LRCH3: variants seen among roughly 807,000 people sequenced by gnomAD.
The protein encoded by LRCH3 is leucine rich repeats and calponin homology domain containing 3.
A neutral mutation model predicts 104.5 loss-of-function variants in LRCH3; 68 were observed. The observed-to-expected ratio is 0.65, with a 90% CI of 0.54 to 0.80. LRCH3 has a LOEUF of 0.80. Among genes scored for constraint, LRCH3 ranks in the 30% least tolerant of loss-of-function variants. The probability of loss-of-function intolerance (pLI) is 0.00; values close to 1 mark genes in which losing one functional copy is unlikely to be tolerated. For synonymous variants in LRCH3, 344 were observed against 361.3 expected (o/e 0.95, Z 0.54); for missense variants, 951 against 953.9 (o/e 1.00, Z 0.04).
chr3:197,859,007 C>A (rs1011072552), intron 15 of LRCH3, 102 bp downstream of exon 15: 7 of 853,080 alleles, frequency 8.2e-6, no homozygotes, highest in African/African-American at 1.7e-5. Context: ...AATATAGGAT[C>A]GCATAAATAT....
At chr3:197,844,354 T>G (rs1183198095) in intron 10 of LRCH3, among the ~76,000 whole-genome samples, 1 of 152,128 alleles carries the variant, frequency 6.6e-6, no homozygotes, top group African/African-American at 2.4e-5. Flanking sequence ...GTCATGGGGA[T>G]AGGAGAAAGA....
At chr3:197,838,880 A>G (rs962972280) in intron 9 of LRCH3, among the ~76,000 whole-genome samples, 2 of 152,266 alleles carry the variant, frequency 1.3e-5, no homozygotes, top group Non-Finnish European at 2.9e-5. Context: ...ATGGATAAAT[A>G]AAGAAATGTA....
At chr3:197,868,937 G>C (rs1711680154) in intron 17 of LRCH3, among the ~76,000 whole-genome samples, 1 of 152,118 alleles carries the variant, frequency 6.6e-6, no homozygotes, top group African/African-American at 2.4e-5. Flanking sequence ...TGAGCACTGT[G>C]CTTACGATTT....
At chr3:197,791,870 T>TG (rs1273713764) in intron 1 of LRCH3, among the ~76,000 whole-genome samples, 2 of 152,166 alleles carry the variant, frequency 1.3e-5, no homozygotes, top group East Asian at 3.9e-4. Flanking sequence ...CTTTCGGATT[T>TG]GGGGTGCCGA....
At chr3:197,838,179 G>A (rs1737165714) in intron 9 of LRCH3, among the ~76,000 whole-genome samples, 1 of 152,224 alleles carries the variant, frequency 6.6e-6, no homozygotes, top group South Asian at 2.1e-4. Context: ...CAGCCACTCG[G>A]GAGGCTGAAG....
intron 19 of LRCH3, among the ~76,000 whole-genome samples, 175 bp from the exon 20 acceptor site, chr3:197,875,523 A>G (rs1196854128): frequency 1.3e-5 from 2 of 152,048 alleles, no homozygotes; most frequent in Admixed American, 6.6e-5. Flanking sequence ...GTGTGATGGC[A>G]TGCAACTATA....
intron 1 of LRCH3, among the ~76,000 whole-genome samples, chr3:197,811,192 T>C (rs903653460): frequency 2.6e-5 from 4 of 152,188 alleles, no homozygotes; most frequent in Non-Finnish European, 5.9e-5. Flanking sequence ...ATGAACAGTA[T>C]CATTGTGATA....
In LRCH3 at chr3:197,860,221, C is replaced by T. The variant is rs182571197; in HGVS notation, c.1716+1316C>T. Among the ~76,000 whole-genome samples, 11 of 152,238 alleles carry T rather than the reference C, an allele frequency of 7.2e-5. No homozygotes were observed. In the East Asian group the frequency reaches 2.1e-3, roughly 29 times the overall value. ...CTCACTGTATTGCCCAGGCGGGTCT[C>T]AAACTCCTGGGCTCAAGAGATCATC... On this transcript the variant is annotated intron_variant, in intron 15 of 20. Transcript: ENST00000425562.
At chr3:197,875,849 A>G (rs541503700) in intron 20 of LRCH3, 74 bp downstream of exon 20, 1 of 948,872 alleles carries the variant, frequency 1.1e-6, no homozygotes, top group African/African-American at 1.6e-5. Flanking sequence ...GTAAATCTCT[A>G]AAATCTTACA....
At chr3:197,820,549 G>T (rs746880881) in intron 4 of LRCH3, 119 bp downstream of exon 4, 1 of 658,588 alleles carries the variant, frequency 1.5e-6, no homozygotes, top group Non-Finnish European at 2.6e-6. Flanking sequence ...TGTGGCTCCT[G>T]CCTGTAATGC....
Position 197,856,997 on chromosome 3 carries a change from C to A in LRCH3, c.1645-1837C>A, listed in dbSNP as rs1488394082. 1.3e-5 allele frequency among the ~76,000 whole-genome samples: 2 copies of A among 152,270 alleles called. No homozygotes were observed. Among genetic ancestry groups the A allele is most frequent in the African/African-American group, 2.4e-5 (1 of 41,470 alleles). ...TTATAACAGCTAATATCAGTTTACA[C>A]TGACATTGTCTTCGGGCTGCCCCTC... is the stretch of plus-strand genomic sequence containing the variant. On this transcript the variant is annotated intron_variant, in intron 14 of 20. Transcript: ENST00000425562. This position sits in a 1 kb window ranked among gnomAD's most constrained non-coding sequence, Gnocchi z 4.2.
chr3:197,851,517 T>G (rs1384923437), intron 12 of LRCH3, among the ~76,000 whole-genome samples: 1 of 152,226 alleles, frequency 6.6e-6, no homozygotes, highest in African/African-American at 2.4e-5. Flanking sequence ...GTTGGCAGTA[T>G]TGCAGTGACA....
In LRCH3 at chr3:197,871,306, A is replaced by G. The variant is rs746009962; in HGVS notation, c.1993-19A>G. 3.0e-5 allele frequency: 47 copies of G among 1,589,014 alleles called. No individual in the cohort carries two copies. The highest frequency in any genetic ancestry group is 3.9e-5 in the Non-Finnish European group (45 of 1,158,366). ...AGTCTTTCTTCAATTAATCTATTAC[A>G]TGTTTTTTGTTCTTTCAGCATATTG... On this transcript the variant is annotated intron_variant, in intron 18 of 20. Coordinates refer to ENST00000425562, the MANE Select transcript of LRCH3 (RefSeq NM_001365715.1).
rs115362840 is a variant in LRCH3 at position 197,825,816 on chromosome 3, A to T, written c.641-1062A>T. On this transcript the variant is annotated intron_variant, in intron 4 of 20. Transcript: ENST00000425562. ...ATTTTTTATTATTCATTTCTGTGTC[A>T]TTTTGTGTTACCTTATGGTAAAATA... Among the ~76,000 whole-genome samples the T allele has an allele frequency of 3.7e-3, 559 of 152,014 alleles. 4 individuals carry two copies. The highest frequency in any genetic ancestry group is 0.013 in the African/African-American group (524 of 41,462).
At chr3:197,871,246 A>G (rs1712148283) in intron 18 of LRCH3, 79 bp from the exon 19 acceptor site, 1 of 1,114,044 alleles carries the variant, frequency 9.0e-7, no homozygotes, top group Admixed American at 2.0e-5. Flanking sequence ...ATTTTTAATT[A>G]GATTTCATTA....
In LRCH3 at chr3:197,814,910, C is replaced by T. The variant is rs1333632682; in HGVS notation, c.265C>T (p.Leu89=). ...ACCTAATTTAATTTTTCTTTTAGAC[C>T]TGTCGCGAAATCGCCTTTCAGAAAT... ...HDLTDTTRAD[L]SRNRLSEIPI... The change falls in exon 2 of 21, where the codon CTG becomes TTG. Residue 89 remains leucine (L), a splice_region_variant and synonymous_variant. Coordinates refer to ENST00000425562, the MANE Select transcript of LRCH3 (RefSeq NM_001365715.1). The T allele has an allele frequency of 6.3e-7, 1 of 1,588,766 alleles. No homozygotes were observed. The highest frequency in any genetic ancestry group is 1.4e-5 in the African/African-American group (1 of 73,744).
Position 197,883,375 on chromosome 3 carries a change from C to T in LRCH3, c.2209-166C>T. 7.2e-7 allele frequency: 1 copy of T among 1,387,818 alleles called. No homozygotes were observed. Among genetic ancestry groups the T allele is most frequent in the Non-Finnish European group, 9.4e-7 (1 of 1,069,250 alleles). 86.0% of individuals were successfully genotyped at this position (1,387,818 alleles called of 1,614,324 possible). A position where few individuals can be genotyped will look rare whatever the true frequency, so the allele number is the denominator to read the frequency against. ...TAAAGTGACAGTGAGTGTCAGACAC[C>T]ATCTCTCTAACTCATATTTACACTG... On this transcript the variant is annotated intron_variant, in intron 20 of 20. Coordinates refer to ENST00000425562, the MANE Select transcript of LRCH3 (RefSeq NM_001365715.1). This position sits in a 1 kb window ranked among gnomAD's most constrained non-coding sequence, Gnocchi z 4.2.
intron 1 of LRCH3, among the ~76,000 whole-genome samples, chr3:197,794,139 C>T (rs1421990483): frequency 1.3e-5 from 2 of 152,198 alleles, no homozygotes; most frequent in African/African-American, 2.4e-5. Flanking sequence ...GCTATCACCA[C>T]TATATAGTAT....
Position 197,878,916 on chromosome 3 carries a change from A to G in LRCH3, c.2208+3141A>G, listed in dbSNP as rs192188606. On this transcript the variant is annotated intron_variant, in intron 20 of 20. Coordinates refer to ENST00000425562, the MANE Select transcript of LRCH3 (RefSeq NM_001365715.1). ...TTTTGAAAATGTAAAACAGAAAACAATATTACAAATATTTTTGTCAGATTC... is the reference window on the plus strand; with the variant it reads ...TTTTGAAAATGTAAAACAGAAAACAGTATTACAAATATTTTTGTCAGATTC... Among the ~76,000 whole-genome samples the G allele has an allele frequency of 2.6e-4, 39 of 152,350 alleles. No individual in the cohort carries two copies. In the East Asian group the frequency reaches 6.7e-3, roughly 26 times the overall value.
Sources: gnomAD v4.1 joint callset for allele counts (sites outside exome capture counted in the v4.1 genomes callset) on GRCh38, gnomAD v4.1.1 for gene constraint, Gnocchi (gnomAD v3.1) non-coding constraint, MANE v1.5 for transcripts, NCBI Gene and HGNC (gene_info 2026-07-23, HGNC 2026-07-21) for gene names.